The following SH3GLB1 variants were observed in gnomAD, a reference collection of about 807,000 sequenced individuals.
SH3GLB1 encodes the protein endophilin-B1.
Under a neutral mutation model 42.0 loss-of-function variants are expected in SH3GLB1, and 17 were observed. The ratio of observed to expected loss-of-function variants is 0.40; its 90% CI spans 0.28 to 0.61. The LOEUF (loss-of-function observed/expected upper bound fraction) is 0.61. Among genes scored for constraint, SH3GLB1 ranks in the 20% least tolerant of loss-of-function variants. The pLI, the probability that SH3GLB1 is intolerant of heterozygous loss-of-function variation, is 0.36. For synonymous variants in SH3GLB1, 132 were observed against 146.6 expected (o/e 0.90, Z 0.72); for missense variants, 355 against 426.3 (o/e 0.83, Z 1.47).
At chr1:86,722,859 AT>A (rs1393197003) in intron 4 of SH3GLB1, among the ~76,000 whole-genome samples, 186 bp downstream of exon 4, 1 of 152,150 alleles carries the variant, frequency 6.6e-6, no homozygotes, top group African/African-American at 2.4e-5. Flanking sequence ...CATTTACTCC[AT>A]TTGTGTGTCC....
chr1:86,734,844 G>T (rs761230517), intron 6 of SH3GLB1, among the ~76,000 whole-genome samples, 153 bp downstream of exon 6: 1 of 152,026 alleles, frequency 6.6e-6, no homozygotes, highest in Non-Finnish European at 1.5e-5. Context: ...TTAAATTGTT[G>T]TTTACATCTT....
At position 86,704,713 on chromosome 1, in the gene SH3GLB1, TCTC is replaced by T. The variant is rs1161314833; in HGVS notation, c.-182_-180del. ...CTTGGCGCTGCCGCCGCGCGCTTGT[TCTC>T]CTCCCTCGCCCCGCCTTCATCCTCC... On this transcript the variant is annotated 5_prime_UTR_variant, in exon 1 of 9. Coordinates refer to ENST00000370558, the MANE Select transcript of SH3GLB1 (RefSeq NM_016009.5). 9 of 458,252 alleles carry T rather than the reference TCTC, an allele frequency of 2.0e-5. No individual in the cohort carries two copies. Among genetic ancestry groups the T allele is most frequent in the Non-Finnish European group, 3.5e-5 (9 of 257,824 alleles). 28.4% of individuals were successfully genotyped at this position (458,252 alleles called of 1,614,324 possible). A position where few individuals can be genotyped will look rare whatever the true frequency, so the allele number is the denominator to read the frequency against.
intron 5 of SH3GLB1, among the ~76,000 whole-genome samples, chr1:86,726,612 A>G (rs1238351168): frequency 6.6e-6 from 1 of 152,044 alleles, no homozygotes; most frequent in East Asian, 1.9e-4. Flanking sequence ...GCAAAATTTA[A>G]CTATAGCCAA....
rs112050122 is a variant in SH3GLB1 at position 86,730,804 on chromosome 1, A to C, written c.571-3798A>C. The stretch of plus-strand genomic sequence containing the variant: ...GGCGTGAGCCACCGTACCCGGCCAC[A>C]GATGAATTTTTTAGGTAACTGAAGC... On this transcript the variant is annotated intron_variant, in intron 5 of 8. Transcript: ENST00000370558. 9.3e-3 allele frequency among the ~76,000 whole-genome samples: 1,419 copies of C among 152,244 alleles called. 25 individuals are homozygous for C. Among genetic ancestry groups the C allele is most frequent in the African/African-American group, 0.033 (1,362 of 41,542 alleles).
chr1:86,710,739 A>G (rs1654165323), intron 1 of SH3GLB1, among the ~76,000 whole-genome samples: 1 of 152,224 alleles, frequency 6.6e-6, no homozygotes, highest in Non-Finnish European at 1.5e-5. Context: ...ACCTCAACAC[A>G]GTTAATATAT....
chr1:86,740,290 G>C (rs1170889290), intron 7 of SH3GLB1, among the ~76,000 whole-genome samples: 3 of 152,190 alleles, frequency 2.0e-5, no homozygotes, highest in Admixed American at 2.0e-4. Context: ...TAGTCATCAG[G>C]GGAATGAAAG....
At chr1:86,705,848 G>T (rs865904771) in intron 1 of SH3GLB1, among the ~76,000 whole-genome samples, 2 of 152,124 alleles carry the variant, frequency 1.3e-5, no homozygotes, top group Non-Finnish European at 2.9e-5. Flanking sequence ...TTACGGTCAC[G>T]GTAGCAACAA....
chr1:86,711,291 A>G (rs1258756486), intron 1 of SH3GLB1, among the ~76,000 whole-genome samples: 2 of 151,914 alleles, frequency 1.3e-5, no homozygotes, highest in African/African-American at 4.8e-5. Context: ...AATGTGGGTT[A>G]TATGCCTATC....
intron 5 of SH3GLB1, among the ~76,000 whole-genome samples, chr1:86,725,204 G>A (rs1655130794): frequency 2.0e-5 from 3 of 151,548 alleles, no homozygotes; most frequent in Admixed American, 1.3e-4. Context: ...TTAAAAATTA[G>A]ATCAGTTCCC....
intron 2 of SH3GLB1, 102 bp from the exon 3 acceptor site, chr1:86,719,405 T>A: frequency 1.1e-6 from 1 of 880,418 alleles, no homozygotes; most frequent in Non-Finnish European, 1.6e-6. Context: ...GAATGAATGC[T>A]AACTTTAGGA....
At chr1:86,724,662 C>T (rs1655054863) in intron 5 of SH3GLB1, among the ~76,000 whole-genome samples, 2 of 151,698 alleles carry the variant, frequency 1.3e-5, no homozygotes, top group Admixed American at 1.3e-4. Flanking sequence ...GGCTTGAGCC[C>T]AGGAGTTTGA....
chr1:86,704,759 AGCTGCG>A lies in SH3GLB1; in HGVS notation c.-133_-128del. On this transcript the variant is annotated 5_prime_UTR_variant, in exon 1 of 9. Coordinates refer to ENST00000370558, the MANE Select transcript of SH3GLB1 (RefSeq NM_016009.5). ...CATCCTCCCCGTTCACGGAAACGAC[AGCTGCG>A]GCTGCGGGGCTGGCGCCGCCTCCCT... The A allele has an allele frequency of 2.0e-6, 1 of 504,298 alleles. No individual in the cohort carries two copies. The highest frequency in any genetic ancestry group is 3.5e-6 in the Non-Finnish European group (1 of 288,622). The allele number at this position is 504,298 out of a possible 1,614,324, so 31.2% of individuals were successfully genotyped here.
intron 1 of SH3GLB1, among the ~76,000 whole-genome samples, chr1:86,711,335 A>G (rs1025053154): frequency 3.3e-5 from 5 of 152,112 alleles, no homozygotes; most frequent in Non-Finnish European, 4.4e-5. Flanking sequence ...TGCCTGGTAT[A>G]ATGTAGCCGA....
chr1:86,730,385 A>G lies in SH3GLB1; in HGVS notation c.571-4217A>G, dbSNP rs77476539. ...GTAATCTTACAGTTCCTTACTATAGAAGGCAGGCGAAATGCTTGTTAATGA... is the reference window on the plus strand; with the variant it reads ...GTAATCTTACAGTTCCTTACTATAGGAGGCAGGCGAAATGCTTGTTAATGA... On this transcript the variant is annotated intron_variant, in intron 5 of 8. Coordinates refer to ENST00000370558, the MANE Select transcript of SH3GLB1 (RefSeq NM_016009.5). 1.6e-3 allele frequency: 1,595 copies of G among 985,176 alleles called. 20 individuals carry two copies. In the African/African-American group the frequency reaches 0.026, roughly 16 times the overall value. The allele number at this position is 985,176 out of a possible 1,614,324, so 61.0% of individuals were successfully genotyped here. A position where few individuals can be genotyped will look rare whatever the true frequency, so the allele number is the denominator to read the frequency against.
At chr1:86,719,477 A>C (rs1413078257) in intron 2 of SH3GLB1, 30 bp from the exon 3 acceptor site, 2 of 1,585,068 alleles carry the variant, frequency 1.3e-6, no homozygotes, top group South Asian at 2.3e-5. Flanking sequence ...GCTTTTTAGA[A>C]ATCATTGGTA....
At chr1:86,713,080 C>G (rs1340802943) in intron 1 of SH3GLB1, among the ~76,000 whole-genome samples, 4 of 151,996 alleles carry the variant, frequency 2.6e-5, no homozygotes, top group Non-Finnish European at 4.4e-5. Context: ...AGAAAACTTG[C>G]CCTGAACCCC....
chr1:86,742,041 CAA>C (rs1402296262), intron 7 of SH3GLB1, among the ~76,000 whole-genome samples, 165 bp from the exon 8 acceptor site: 5 of 151,938 alleles, frequency 3.3e-5, no homozygotes, highest in Non-Finnish European at 5.9e-5. Flanking sequence ...ATAATTGGCC[CAA>C]GAGGGAAAAG....
chr1:86,715,621 A>G, intron 1 of SH3GLB1, 103 bp from the exon 2 acceptor site: 1 of 1,136,438 alleles, frequency 8.8e-7, no homozygotes, highest in Non-Finnish European at 1.2e-6. Context: ...GGTTATTTGT[A>G]TGTTTAGGAT....
intron 3 of SH3GLB1, among the ~76,000 whole-genome samples, chr1:86,721,528 G>A (rs1309205732): frequency 6.6e-6 from 1 of 152,142 alleles, no homozygotes; most frequent in African/African-American, 2.4e-5. Flanking sequence ...CTTATTAGAA[G>A]TAAAACTAGG....
Sources: allele counts gnomAD v4.1 joint callset (sites outside exome capture counted in the v4.1 genomes callset), GRCh38; gene constraint gnomAD v4.1.1; transcripts MANE v1.5; gene names NCBI Gene and HGNC (gene_info 2026-07-23, HGNC 2026-07-21).